The following SPOCK1 variants were observed in gnomAD, a reference collection of about 807,000 sequenced individuals.
The protein encoded by SPOCK1 is testican-1.
A neutral mutation model predicts 55.3 loss-of-function variants in SPOCK1; 23 were observed. The ratio of observed to expected loss-of-function variants is 0.42; its 90% CI spans 0.30 to 0.59. The LOEUF is 0.59. Ranked by LOEUF, SPOCK1 falls within the 20% of genes least tolerant of loss-of-function variation. SPOCK1 has a pLI of 0.22. For missense variants in SPOCK1, 499 were observed against 552.5 expected, an observed-to-expected ratio of 0.90 and a Z score of 0.97; for synonymous variants, 226 against 221.0, an observed-to-expected ratio of 1.02 and a Z score of -0.20.
intron 2 of SPOCK1, among the ~76,000 whole-genome samples, chr5:137,462,805 A>G (rs1753517156): frequency 1.3e-5 from 2 of 152,248 alleles, no homozygotes. Flanking sequence ...ATGTGTCAGA[A>G]TGTAGCATGC....
At position 137,126,739 on chromosome 5, in the gene SPOCK1, C is replaced by T. The variant is rs12110127; in HGVS notation, c.347+13841G>A. On this transcript the variant is annotated intron_variant, in intron 4 of 10. Transcript: ENST00000394945. The stretch of plus-strand genomic sequence containing the variant: ...ATCACACCAGTCTGGGCAACAAGAA[C>T]GAAACTCCATCTCAAAAAATAAAGA... Among the ~76,000 whole-genome samples the T allele has an allele frequency of 2.2e-3, 330 of 152,160 alleles. 2 individuals are homozygous for T. Among genetic ancestry groups the T allele is most frequent in the African/African-American group, 7.3e-3 (301 of 41,514 alleles).
intron 2 of SPOCK1, among the ~76,000 whole-genome samples, chr5:137,319,722 G>GA (rs1757945708): frequency 6.6e-6 from 1 of 151,840 alleles, no homozygotes; most frequent in African/African-American, 2.4e-5. Flanking sequence ...GAGGCGGGTG[G>GA]ATCATGAGGT....
intron 8 of SPOCK1, among the ~76,000 whole-genome samples, chr5:136,987,183 C>G (rs1750859767): frequency 6.6e-6 from 1 of 151,934 alleles, no homozygotes; most frequent in African/African-American, 2.4e-5. Context: ...GTGAGAAATA[C>G]CTTTCTAAGC....
chr5:137,273,810 T>C (rs939117802), intron 2 of SPOCK1, among the ~76,000 whole-genome samples: 6 of 152,244 alleles, frequency 3.9e-5, no homozygotes, highest in African/African-American at 1.4e-4. Context: ...AAGAGTAGTA[T>C]ACCTTCTACA....
chr5:137,230,737 T>C (rs576129332), intron 3 of SPOCK1, among the ~76,000 whole-genome samples: 4 of 152,342 alleles, frequency 2.6e-5, no homozygotes, highest in Non-Finnish European at 4.4e-5. Context: ...TATCTTTTTA[T>C]TGAATTTTTT....
intron 6 of SPOCK1, among the ~76,000 whole-genome samples, chr5:137,055,821 G>A (rs1384193352): frequency 6.6e-6 from 1 of 152,150 alleles, no homozygotes; most frequent in Non-Finnish European, 1.5e-5. Context: ...TGCTTCTGAT[G>A]ATGGCATCTT....
At chr5:137,167,263 G>C (rs1008599068) in intron 3 of SPOCK1, among the ~76,000 whole-genome samples, 2 of 151,918 alleles carry the variant, frequency 1.3e-5, no homozygotes, top group African/African-American at 4.8e-5. Context: ...TTCAACAAGA[G>C]GATATAACAA....
chr5:137,450,032 T>G (rs1452951205), intron 2 of SPOCK1, among the ~76,000 whole-genome samples: 1 of 150,866 alleles, frequency 6.6e-6, no homozygotes, highest in Non-Finnish European at 1.5e-5. Flanking sequence ...TATAGAAGAG[T>G]GTGTCCAAAC....
At chr5:137,384,991 T>C (rs1391721322) in intron 2 of SPOCK1, among the ~76,000 whole-genome samples, 1 of 152,196 alleles carries the variant, frequency 6.6e-6, no homozygotes, top group Admixed American at 6.5e-5. Context: ...TCCTGCAGTG[T>C]CTATCACATA....
chr5:137,090,757 A>G (rs924071321), intron 5 of SPOCK1, among the ~76,000 whole-genome samples: 1 of 152,222 alleles, frequency 6.6e-6, no homozygotes, highest in South Asian at 2.1e-4. Context: ...CAGAATGGGC[A>G]GATTCTGTAA....
intron 6 of SPOCK1, among the ~76,000 whole-genome samples, chr5:137,026,669 C>T (rs952264935): frequency 1.3e-5 from 2 of 152,182 alleles, no homozygotes; most frequent in Admixed American, 6.5e-5. Context: ...AACACTAACA[C>T]AACCACATTA....
chr5:137,495,446 C>T (rs1254922159), intron 2 of SPOCK1, among the ~76,000 whole-genome samples: 2 of 152,230 alleles, frequency 1.3e-5, no homozygotes, highest in East Asian at 1.9e-4. Flanking sequence ...TCAAAAATCA[C>T]ATCTGAATCT....
chr5:137,196,747 G>A (rs1010458995), intron 3 of SPOCK1, among the ~76,000 whole-genome samples: 2 of 152,154 alleles, frequency 1.3e-5, no homozygotes, highest in Admixed American at 6.5e-5. Context: ...TGATCATTTG[G>A]TTAATGTTTC....
At chr5:137,103,382 T>G (rs4035065) in intron 5 of SPOCK1, among the ~76,000 whole-genome samples, 38,329 of 152,220 alleles carry the variant, frequency 0.25, 5,374 homozygotes, top group Non-Finnish European at 0.32. Flanking sequence ...AAGCTTGCAG[T>G]GGCCTTATGA....
At chr5:137,057,203 C>G (rs1232931714) in intron 6 of SPOCK1, among the ~76,000 whole-genome samples, 1 of 152,020 alleles carries the variant, frequency 6.6e-6, no homozygotes, top group Non-Finnish European at 1.5e-5. Flanking sequence ...GCTGCTCACT[C>G]TTTTCAAGCA....
intron 4 of SPOCK1, among the ~76,000 whole-genome samples, chr5:137,135,443 T>C (rs1753964511): frequency 6.6e-6 from 1 of 152,194 alleles, no homozygotes; most frequent in Non-Finnish European, 1.5e-5. Flanking sequence ...TAAGAGAACA[T>C]TTTTCTTAAG....
intron 3 of SPOCK1, among the ~76,000 whole-genome samples, chr5:137,156,418 G>A (rs933225192): frequency 7.2e-5 from 11 of 152,140 alleles, no homozygotes; most frequent in South Asian, 4.2e-4. Flanking sequence ...AGAACACATC[G>A]CCATAGCAAC....
chr5:137,194,834 G>A (rs1233507234), intron 3 of SPOCK1, among the ~76,000 whole-genome samples: 2 of 152,182 alleles, frequency 1.3e-5, no homozygotes, highest in Non-Finnish European at 2.9e-5. Context: ...CACCAGCCCT[G>A]AGCCGGCAGC....
At chr5:137,381,455 G>C (rs1006342109) in intron 2 of SPOCK1, among the ~76,000 whole-genome samples, 3 of 152,152 alleles carry the variant, frequency 2.0e-5, no homozygotes, top group Non-Finnish European at 2.9e-5. Context: ...TCTCCATGAG[G>C]GCTCCACCCC....
Sources: allele counts gnomAD v4.1 joint callset (sites outside exome capture counted in the v4.1 genomes callset), GRCh38; gene constraint gnomAD v4.1.1; transcripts MANE v1.5; gene names NCBI Gene and HGNC (gene_info 2026-07-23, HGNC 2026-07-21).